CFHR2: variants seen among roughly 807,000 people sequenced by gnomAD.
The protein encoded by CFHR2 is complement factor H-related protein 2.
A neutral mutation model predicts 21.7 loss-of-function variants in CFHR2; 22 were observed. That is an observed-to-expected ratio of 1.01 (90% CI 0.72 to 1.45). CFHR2 has a LOEUF of 1.45. CFHR2 is among the 40% of genes most tolerant of loss of function. The pLI is 0.00. For missense variants in CFHR2, 294 were observed against 293.3 expected (o/e 1.00, Z -0.02); for synonymous variants, 98 against 97.4 (o/e 1.01, Z -0.04).
intron 1 of CFHR2, among the ~76,000 whole-genome samples, chr1:196,944,928 G>A (rs967893434): frequency 6.7e-6 from 1 of 149,450 alleles, no homozygotes; most frequent in African/African-American, 2.5e-5. Context: ...CCAGGCTGGA[G>A]TGCAATGGTG....
At position 196,949,317 on chromosome 1, in the gene CFHR2, G is replaced by A. The variant is rs370143869; in HGVS notation, c.59-138G>A. The A allele has an allele frequency of 3.2e-5, 24 of 760,514 alleles. 1 individual carries two copies. In the East Asian group the frequency reaches 4.1e-4, roughly 13 times the overall value. The allele number at this position is 760,514 out of a possible 1,614,324, so 47.1% of individuals were successfully genotyped here. ...AGTGATGTCTTTTCATTCCTAATTTGGACACTGGAGAGCATTTAAGCTAAA... is the reference window on the plus strand; with the variant it reads ...AGTGATGTCTTTTCATTCCTAATTTAGACACTGGAGAGCATTTAAGCTAAA... On this transcript the variant is annotated intron_variant, in intron 1 of 4. Coordinates refer to ENST00000367415, the MANE Select transcript of CFHR2 (RefSeq NM_005666.4).
rs1439664978 is a variant in CFHR2 at position 196,950,905 on chromosome 1, A to G, written c.307A>G (p.Thr103Ala). Residue 103 changes from threonine to alanine, a missense_variant, in exon 3 of 5, where the codon ACA (threonine) becomes GCA (alanine). By Grantham distance (58) the Thr-to-Ala change is moderately conservative. Transcript: ENST00000367415. ...TGGTCATTCTGAATCTTCAGGACAA[A>G]CACATCTGGAAGGTGATACTGTACA... ...ENGHSESSGQ[T>A]HLEGDTVQII... is the part of the protein sequence containing the mutation. The G allele has an allele frequency of 2.5e-6, 4 of 1,613,872 alleles. No individual in the cohort carries two copies. Among genetic ancestry groups the G allele is most frequent in the South Asian group, 1.1e-5 (1 of 91,076 alleles).
intron 1 of CFHR2, among the ~76,000 whole-genome samples, chr1:196,945,976 T>C (rs1263961373): frequency 6.6e-6 from 1 of 151,892 alleles, no homozygotes; most frequent in Non-Finnish European, 1.5e-5. Context: ...GCTGCAAACC[T>C]GTACAGCATG....
intron 1 of CFHR2, 95 bp from the exon 2 acceptor site, chr1:196,949,360 A>G (rs1405623942): frequency 3.9e-6 from 5 of 1,271,026 alleles, no homozygotes; most frequent in South Asian, 1.5e-5. Context: ...AAGCTAAATG[A>G]AAGAAAAAAA....
Position 196,958,079 on chromosome 1 carries a change from T to C in CFHR2, c.613+6T>C. 2 of 1,611,238 alleles carry C rather than the reference T, an allele frequency of 1.2e-6. No homozygotes were observed. The highest frequency in any genetic ancestry group is 1.7e-6 in the Non-Finnish European group (2 of 1,177,570). ...AGAACCACCAAAATGCTTAGGTAAG[T>C]ACTTTAATATTCTCATGGATTCTGG... is the stretch of plus-strand genomic sequence containing the variant. On this transcript the variant is annotated splice_donor_region_variant and intron_variant, in intron 4 of 4. Transcript: ENST00000367415.
At chr1:196,951,200 T>G (rs1659714595) in intron 3 of CFHR2, among the ~76,000 whole-genome samples, 172 bp downstream of exon 3, 1 of 152,220 alleles carries the variant, frequency 6.6e-6, no homozygotes, top group Non-Finnish European at 1.5e-5. Flanking sequence ...ATAATATAGT[T>G]TGCCTACCTA....
chr1:196,958,393 A>AGTGTGTGT (rs111351996), intron 4 of CFHR2, among the ~76,000 whole-genome samples: 7 of 148,624 alleles, frequency 4.7e-5, no homozygotes, highest in African/African-American at 1.7e-4. Flanking sequence ...ATTGTGTGTA[A>AGTGTGTGT]GTGTGTGTGT....
chr1:196,952,053 C>T (rs963528350), intron 3 of CFHR2, among the ~76,000 whole-genome samples: 5 of 152,178 alleles, frequency 3.3e-5, no homozygotes, highest in East Asian at 3.9e-4. Flanking sequence ...AAATAGAATC[C>T]GTGGTATGCC....
intron 3 of CFHR2, among the ~76,000 whole-genome samples, chr1:196,953,979 T>C (rs966766111): frequency 6.6e-6 from 1 of 152,236 alleles, no homozygotes; most frequent in African/African-American, 2.4e-5. Context: ...CATATTCATA[T>C]ACATAACTAT....
At chr1:196,957,761 T>C in intron 3 of CFHR2, 130 bp from the exon 4 acceptor site, 2 of 781,794 alleles carry the variant, frequency 2.6e-6, no homozygotes, top group Non-Finnish European at 4.1e-6. Flanking sequence ...TAAATTTTAC[T>C]CCGGGAATCA....
chr1:196,957,121 T>G (rs1652915079), intron 3 of CFHR2, among the ~76,000 whole-genome samples: 1 of 152,148 alleles, frequency 6.6e-6, no homozygotes, highest in South Asian at 2.1e-4. Context: ...GCTGCTCTTT[T>G]CCTGGGCTTT....
chr1:196,952,212 G>T (rs1239764272), intron 3 of CFHR2, among the ~76,000 whole-genome samples: 2 of 152,090 alleles, frequency 1.3e-5, no homozygotes, highest in Non-Finnish European at 2.9e-5. Flanking sequence ...GGTGTTCAAG[G>T]CTGCAGTGAG....
intron 1 of CFHR2, 102 bp from the exon 2 acceptor site, chr1:196,949,353 C>T: frequency 8.4e-7 from 1 of 1,186,322 alleles, no homozygotes. Context: ...GGCATTTAAG[C>T]TAAATGAAAG....
chr1:196,954,136 TG>T (rs1489075256), intron 3 of CFHR2, among the ~76,000 whole-genome samples: 1 of 152,250 alleles, frequency 6.6e-6, no homozygotes, highest in East Asian at 1.9e-4. Context: ...TTGGTAAAAT[TG>T]GGAATAATTT....
intron 1 of CFHR2, among the ~76,000 whole-genome samples, chr1:196,946,899 C>T (rs906068385): frequency 6.6e-6 from 1 of 152,128 alleles, no homozygotes; most frequent in South Asian, 2.1e-4. Context: ...ATGTACTGTA[C>T]AAAATTGTGT....
At position 196,956,062 on chromosome 1, in the gene CFHR2, T is replaced by C. The variant is rs1044475872; in HGVS notation, c.431-1829T>C. 4.6e-5 allele frequency among the ~76,000 whole-genome samples: 7 copies of C among 152,206 alleles called. No individual in the cohort carries two copies. The South Asian group carries it at 8.3e-4, about 18-fold the overall frequency. ...CTCACTCACTATCATGAGAACAGCA[T>C]GGGGGAAGCCATCCCCATGATCCAA... On this transcript the variant is annotated intron_variant, in intron 3 of 4. Coordinates refer to ENST00000367415, the MANE Select transcript of CFHR2 (RefSeq NM_005666.4).
At chr1:196,948,728 A>G (rs1225089428) in intron 1 of CFHR2, among the ~76,000 whole-genome samples, 1 of 151,882 alleles carries the variant, frequency 6.6e-6, no homozygotes, top group Non-Finnish European at 1.5e-5. Context: ...TTTGATCTGC[A>G]GTTGGTTGAA....
intron 1 of CFHR2, 30 bp from the exon 2 acceptor site, chr1:196,949,425 T>C (rs1444499085): frequency 6.4e-6 from 10 of 1,574,582 alleles, no homozygotes; most frequent in Non-Finnish European, 7.8e-6. Context: ...GCTTATTATG[T>C]AATTCTTCAG....
At chr1:196,948,411 G>A (rs1482289509) in intron 1 of CFHR2, among the ~76,000 whole-genome samples, 2 of 152,032 alleles carry the variant, frequency 1.3e-5, no homozygotes, top group Non-Finnish European at 2.9e-5. Context: ...AAGTAGCTGG[G>A]ATTACAGGTG....
Sources: gnomAD v4.1 joint callset for allele counts (sites outside exome capture counted in the v4.1 genomes callset) on GRCh38, gnomAD v4.1.1 for gene constraint, MANE v1.5 for transcripts, NCBI Gene and HGNC (gene_info 2026-07-23, HGNC 2026-07-21) for gene names.